DENND5B: variants seen among roughly 807,000 people sequenced by gnomAD.
DENND5B encodes the protein DENN domain-containing protein 5B.
Under a neutral mutation model 140.6 loss-of-function variants are expected in DENND5B, and 34 were observed. The observed-to-expected ratio is 0.24, with a 90% CI of 0.18 to 0.32. The LOEUF (loss-of-function observed/expected upper bound fraction) is 0.32. Among genes scored for constraint, DENND5B ranks in the 10% least tolerant of loss-of-function variants. DENND5B has a pLI of 1.00. For missense variants in DENND5B, 1,142 were observed against 1,560.2 expected (o/e 0.73, Z 4.52); for synonymous variants, 551 against 562.1 (o/e 0.98, Z 0.28).
intron 5 of DENND5B, among the ~76,000 whole-genome samples, chr12:31,448,433 C>T (rs1944367962): frequency 6.6e-6 from 1 of 152,196 alleles, no homozygotes; most frequent in African/African-American, 2.4e-5. Context: ...CCGCGCCCAG[C>T]TACAAGTTGT....
intron 1 of DENND5B, among the ~76,000 whole-genome samples, chr12:31,530,405 C>G (rs529412985): frequency 2.6e-5 from 4 of 152,084 alleles, no homozygotes; most frequent in Non-Finnish European, 5.9e-5. Flanking sequence ...ATATATGAAT[C>G]AGTTTCAGGA....
intron 7 of DENND5B, among the ~76,000 whole-genome samples, chr12:31,440,741 T>C (rs1001034896): frequency 1.2e-4 from 18 of 152,166 alleles, no homozygotes; most frequent in African/African-American, 4.3e-4. Context: ...CATGGCTCAC[T>C]GCAGCCTAGA....
intron 12 of DENND5B, 117 bp from the exon 13 acceptor site, chr12:31,413,681 A>C (rs1032023651): frequency 1.8e-6 from 2 of 1,083,764 alleles, no homozygotes; most frequent in South Asian, 2.5e-5. Flanking sequence ...GGAGCAATGG[A>C]TAATATACAA....
rs1455324023 is a variant in DENND5B at position 31,382,734 on chromosome 12, AG to A, written c.*4868del. On this transcript the variant is annotated 3_prime_UTR_variant, in exon 21 of 21. Transcript: ENST00000389082. The stretch of plus-strand genomic sequence containing the variant: ...ATTTGAGGTTTTTTTTTTTTCCTCT[AG>A]CTTGATGTGATATATCTCTGAAGTC... The A allele has an allele frequency of 1.5e-4, 23 of 150,974 alleles. No homozygotes were observed. Among genetic ancestry groups the A allele is most frequent in the Admixed American group, 1.5e-3 (22 of 15,144 alleles). The allele number at this position is 150,974 out of a possible 1,614,324, so 9.4% of individuals were successfully genotyped here.
At chr12:31,397,297 C>T (rs1032486399) in intron 17 of DENND5B, among the ~76,000 whole-genome samples, 1 of 151,926 alleles carries the variant, frequency 6.6e-6, no homozygotes, top group Non-Finnish European at 1.5e-5. Flanking sequence ...GCCTCTAATC[C>T]CAGCACTTTC....
chr12:31,462,014 C>G (rs1044813026), intron 3 of DENND5B, among the ~76,000 whole-genome samples: 14 of 152,042 alleles, frequency 9.2e-5, no homozygotes, highest in Admixed American at 6.6e-5. Flanking sequence ...ATCAGTTATC[C>G]ACAGCCCAAG....
intron 1 of DENND5B, among the ~76,000 whole-genome samples, chr12:31,539,052 A>C (rs11833471): frequency 0.017 from 2,534 of 152,154 alleles, 71 homozygotes; most frequent in African/African-American, 0.058. Context: ...TAAAGAAGGA[A>C]ACATTCAACT....
chr12:31,480,352 G>C, intron 2 of DENND5B, 97 bp from the exon 3 acceptor site: 2 of 1,215,582 alleles, frequency 1.6e-6, no homozygotes, highest in Non-Finnish European at 1.1e-6. Flanking sequence ...GATTCAAAAA[G>C]ACAGGTTTTA....
At chr12:31,570,269 TTCTC>T (rs757188842) in intron 1 of DENND5B, among the ~76,000 whole-genome samples, 62 of 151,002 alleles carry the variant, frequency 4.1e-4, no homozygotes, top group Middle Eastern at 3.4e-3. Flanking sequence ...CTAATCAAAA[TTCTC>T]TCTCTTTTTT....
At chr12:31,426,529 C>T (rs1943244161) in intron 8 of DENND5B, 105 bp from the exon 9 acceptor site, 7 of 1,326,636 alleles carry the variant, frequency 5.3e-6, no homozygotes, top group East Asian at 2.5e-5. Flanking sequence ...CAAAAAAGTC[C>T]GTAAGTGTAT....
At chr12:31,586,983 A>T (rs1490304221) in intron 1 of DENND5B, among the ~76,000 whole-genome samples, 1 of 152,200 alleles carries the variant, frequency 6.6e-6, no homozygotes, top group East Asian at 1.9e-4. Context: ...GAAAATTCTT[A>T]GTTGAGAACA....
Position 31,529,203 on chromosome 12 carries a change from T to C in DENND5B, c.128-33284A>G, listed in dbSNP as rs983611268. 2.0e-5 allele frequency among the ~76,000 whole-genome samples: 3 copies of C among 149,888 alleles called. No homozygotes were observed. In the East Asian group the frequency reaches 5.8e-4, roughly 29 times the overall value. Reference sequence around the variant, plus strand: ...AGAAAAGAAAAAAGGCATGAGGTATTGGATGAGATAACCAAGGGAGAAGAT... The same window carrying C: ...AGAAAAGAAAAAAGGCATGAGGTATCGGATGAGATAACCAAGGGAGAAGAT... On this transcript the variant is annotated intron_variant, in intron 1 of 20. Coordinates refer to ENST00000389082, the MANE Select transcript of DENND5B (RefSeq NM_144973.4).
chr12:31,516,600 T>C (rs1181835940), intron 1 of DENND5B, among the ~76,000 whole-genome samples: 2 of 152,168 alleles, frequency 1.3e-5, no homozygotes, highest in African/African-American at 4.8e-5. Context: ...ATTTTTCTGT[T>C]CTTTGGTTGC....
At position 31,383,889 on chromosome 12, in the gene DENND5B, AAAC is replaced by A. The variant is rs1268481641; in HGVS notation, c.*3711_*3713del. On this transcript the variant is annotated 3_prime_UTR_variant, in exon 21 of 21. Transcript: ENST00000389082. ...TAATACTTTTGGCAATTTAATTTTAAAACAACTTCTTCACCAGCTATTACTATG... is the reference window on the plus strand; with the variant it reads ...TAATACTTTTGGCAATTTAATTTTAAAACTTCTTCACCAGCTATTACTATG... 1 of 152,242 alleles carries A rather than the reference AAAC, an allele frequency of 6.6e-6. No homozygotes were observed. Among genetic ancestry groups the A allele is most frequent in the Non-Finnish European group, 1.5e-5 (1 of 68,048 alleles). 9.4% of individuals were successfully genotyped at this position (152,242 alleles called of 1,614,324 possible).
intron 1 of DENND5B, among the ~76,000 whole-genome samples, chr12:31,588,804 TC>T (rs1032757089): frequency 2.0e-5 from 3 of 152,130 alleles, no homozygotes; most frequent in African/African-American, 7.2e-5. Flanking sequence ...TTCACAGCTG[TC>T]CCCAGTGCCT....
Position 31,424,921 on chromosome 12 carries a change from T to C in DENND5B, c.2239-234A>G, listed in dbSNP as rs1312546405. 4.6e-5 allele frequency among the ~76,000 whole-genome samples: 7 copies of C among 152,218 alleles called. No individual in the cohort carries two copies. The East Asian group carries it at 9.6e-4, about 21-fold the overall frequency. On this transcript the variant is annotated intron_variant, in intron 9 of 20. Transcript: ENST00000389082. ...TGTGACTAAAGAGAATATAAGATAATATTTGTAAGGCATCCCCATGTTGAA... is the reference window on the plus strand; with the variant it reads ...TGTGACTAAAGAGAATATAAGATAACATTTGTAAGGCATCCCCATGTTGAA...
At chr12:31,445,505 A>C (rs776370589) in intron 6 of DENND5B, among the ~76,000 whole-genome samples, 61 of 152,148 alleles carry the variant, frequency 4.0e-4, no homozygotes, top group Non-Finnish European at 7.9e-4. Context: ...GGAGTTCAAG[A>C]CCAGCCTGAG....
At chr12:31,415,071 C>T (rs793158) in intron 12 of DENND5B, among the ~76,000 whole-genome samples, 27,556 of 151,802 alleles carry the variant, frequency 0.18, 2,832 homozygotes, top group Non-Finnish European at 0.25. Flanking sequence ...GTGGTGATTG[C>T]ACCACCGAAT....
intron 3 of DENND5B, among the ~76,000 whole-genome samples, chr12:31,469,171 T>C (rs1469503452): frequency 6.6e-6 from 1 of 151,552 alleles, no homozygotes; most frequent in Non-Finnish European, 1.5e-5. Flanking sequence ...TTGTCTCTAC[T>C]AAAAATACAA....
Sources: gnomAD v4.1 joint callset for allele counts (sites outside exome capture counted in the v4.1 genomes callset) on GRCh38, gnomAD v4.1.1 for gene constraint, MANE v1.5 for transcripts, NCBI Gene and HGNC (gene_info 2026-07-23, HGNC 2026-07-21) for gene names.